Variants in LCLAT1 observed in about 807,000 individuals in gnomAD.
LCLAT1 encodes lysocardiolipin acyltransferase 1.
LCLAT1 carries 11 observed loss-of-function variants against 30.7 expected under a neutral mutation model. The ratio of observed to expected loss-of-function variants is 0.36; its 90% CI spans 0.23 to 0.59. The LOEUF (loss-of-function observed/expected upper bound fraction) is 0.59. LCLAT1 is among the 20% of genes least tolerant of loss of function. The pLI, the probability that LCLAT1 is intolerant of heterozygous loss-of-function variation, is 0.77. For synonymous variants in LCLAT1, 155 were observed against 151.3 expected, an observed-to-expected ratio of 1.02 and a Z score of -0.18; for missense variants, 402 against 458.6, an observed-to-expected ratio of 0.88 and a Z score of 1.13.
chr2:30,542,858 T>C (rs1279895557), intron 3 of LCLAT1, among the ~76,000 whole-genome samples: 1 of 152,134 alleles, frequency 6.6e-6, no homozygotes, highest in Non-Finnish European at 1.5e-5. Context: ...ATTCAACTAT[T>C]CTACATGCTT....
chr2:30,606,045 C>T lies in LCLAT1; in HGVS notation c.629-34072C>T, dbSNP rs779489513. On this transcript the variant is annotated intron_variant, in intron 5 of 5. Transcript: ENST00000379509. ...GAGGCAGAGCGAGGGAAGTAAAGGACCACTTCAAGGAGAACTACAAATCAC... is the reference window on the plus strand; with the variant it reads ...GAGGCAGAGCGAGGGAAGTAAAGGATCACTTCAAGGAGAACTACAAATCAC... The T allele has an allele frequency of 3.1e-5, 40 of 1,296,632 alleles. No individual in the cohort carries two copies. In the Middle Eastern group the frequency reaches 6.4e-4, roughly 21 times the overall value. The allele number at this position is 1,296,632 out of a possible 1,614,324, so 80.3% of individuals were successfully genotyped here.
At chr2:30,540,370 G>A (rs1159517698) in intron 3 of LCLAT1, among the ~76,000 whole-genome samples, 1 of 152,118 alleles carries the variant, frequency 6.6e-6, no homozygotes, top group Non-Finnish European at 1.5e-5. Context: ...CCCATCCACT[G>A]TTTAAATTTT....
intron 1 of LCLAT1, among the ~76,000 whole-genome samples, chr2:30,475,838 T>C (rs183966038): frequency 1.5e-3 from 231 of 152,358 alleles, no homozygotes; most frequent in Non-Finnish European, 2.9e-3. Flanking sequence ...ATTCTAATAA[T>C]TAGAACTATT....
chr2:30,517,757 G>A (rs958220225), intron 1 of LCLAT1, among the ~76,000 whole-genome samples: 2 of 152,252 alleles, frequency 1.3e-5, no homozygotes, highest in Middle Eastern at 3.4e-3. Context: ...GAGTCAGAGA[G>A]AGACAGAAAG....
At chr2:30,454,476 G>A (rs1415728605) in intron 1 of LCLAT1, among the ~76,000 whole-genome samples, 2 of 151,906 alleles carry the variant, frequency 1.3e-5, no homozygotes, top group Non-Finnish European at 2.9e-5. Flanking sequence ...ATAGAGACAG[G>A]GTCTCACTCT....
chr2:30,522,787 A>G (rs1440213081), intron 1 of LCLAT1, among the ~76,000 whole-genome samples: 1 of 152,216 alleles, frequency 6.6e-6, no homozygotes. Flanking sequence ...GTTTAGAGAC[A>G]TATTTCAGGG....
chr2:30,472,474 A>G (rs1004654054), intron 1 of LCLAT1, among the ~76,000 whole-genome samples: 2 of 152,224 alleles, frequency 1.3e-5, no homozygotes, highest in East Asian at 3.8e-4. Context: ...TATGAGGCCT[A>G]CACTGGAGGA....
chr2:30,520,510 T>G (rs1044011162), intron 1 of LCLAT1, among the ~76,000 whole-genome samples: 1 of 152,216 alleles, frequency 6.6e-6, no homozygotes, highest in Non-Finnish European at 1.5e-5. Flanking sequence ...GTTCCAGTTT[T>G]GTTATTTACT....
chr2:30,579,322 G>A (rs1040356889), intron 5 of LCLAT1, among the ~76,000 whole-genome samples: 1 of 152,142 alleles, frequency 6.6e-6, no homozygotes, highest in Non-Finnish European at 1.5e-5. Flanking sequence ...TACATTAAAG[G>A]TGTTTATATT....
chr2:30,562,925 T>C (rs889018116), intron 4 of LCLAT1, among the ~76,000 whole-genome samples: 2 of 152,194 alleles, frequency 1.3e-5, no homozygotes, highest in African/African-American at 4.8e-5. Flanking sequence ...TCTCCTGATA[T>C]TTAAGCCCTA....
chr2:30,489,599 G>A (rs1479523858), intron 1 of LCLAT1, among the ~76,000 whole-genome samples: 1 of 152,120 alleles, frequency 6.6e-6, no homozygotes, highest in Non-Finnish European at 1.5e-5. Context: ...TGATCTGCCC[G>A]CCTTGGCCTC....
chr2:30,551,143 T>G (rs566246811), intron 3 of LCLAT1, among the ~76,000 whole-genome samples: 1 of 152,176 alleles, frequency 6.6e-6, no homozygotes, highest in Non-Finnish European at 1.5e-5. Flanking sequence ...CTTGCCTGGC[T>G]AATTTAAAAT....
chr2:30,511,424 G>A (rs1353763562), intron 1 of LCLAT1, among the ~76,000 whole-genome samples: 1 of 152,194 alleles, frequency 6.6e-6, no homozygotes, highest in African/African-American at 2.4e-5. Context: ...CTACCCACAT[G>A]TAGCTATTTA....
At chr2:30,615,297 AAAAAAGAAGGCAAAGTGT>A (rs1294715664) in intron 5 of LCLAT1, among the ~76,000 whole-genome samples, 12 of 152,134 alleles carry the variant, frequency 7.9e-5, no homozygotes, top group Non-Finnish European at 1.6e-4. Flanking sequence ...CTCCTTATGA[AAAAAAGAAGGCAAAGTGT>A]ATGAACTCAC....
chr2:30,598,253 T>C (rs1197378860), intron 5 of LCLAT1, among the ~76,000 whole-genome samples: 1 of 152,172 alleles, frequency 6.6e-6, no homozygotes. Flanking sequence ...AGAATTCGGC[T>C]GTAAATCTGT....
chr2:30,476,788 TG>T (rs1364823474), intron 1 of LCLAT1, among the ~76,000 whole-genome samples: 1 of 152,196 alleles, frequency 6.6e-6, no homozygotes, highest in Non-Finnish European at 1.5e-5. Flanking sequence ...AACCAGTTCC[TG>T]GTGCCAAAAA....
At chr2:30,537,254 G>A (rs919152817) in intron 3 of LCLAT1, among the ~76,000 whole-genome samples, 6 of 152,154 alleles carry the variant, frequency 3.9e-5, no homozygotes, top group Admixed American at 1.3e-4. Flanking sequence ...GGTGGCGGGC[G>A]CCTATAGTCC....
chr2:30,522,310 T>C (rs905836311), intron 1 of LCLAT1, among the ~76,000 whole-genome samples: 2 of 152,200 alleles, frequency 1.3e-5, no homozygotes, highest in African/African-American at 4.8e-5. Flanking sequence ...CCACCAGCAA[T>C]GTTTGCAAGT....
At chr2:30,503,967 C>T (rs192466224) in intron 1 of LCLAT1, among the ~76,000 whole-genome samples, 27 of 152,260 alleles carry the variant, frequency 1.8e-4, no homozygotes, top group Non-Finnish European at 2.8e-4. Flanking sequence ...ATGGAAAGAA[C>T]GCTTAGCCGG....
Sources: gnomAD v4.1 joint callset for allele counts (sites outside exome capture counted in the v4.1 genomes callset) on GRCh38, gnomAD v4.1.1 for gene constraint, MANE v1.5 for transcripts, NCBI Gene and HGNC (gene_info 2026-07-23, HGNC 2026-07-21) for gene names.